The following UBASH3B variants were observed in gnomAD, a reference collection of about 807,000 sequenced individuals.
UBASH3B encodes ubiquitin associated and SH3 domain containing B.
A neutral mutation model predicts 83.4 loss-of-function variants in UBASH3B; 37 were observed. The ratio of observed to expected loss-of-function variants is 0.44; its 90% CI spans 0.34 to 0.58. The LOEUF is 0.58. Among genes scored for constraint, UBASH3B ranks in the 20% least tolerant of loss-of-function variants. The probability of loss-of-function intolerance (pLI) is 0.01; values close to 1 mark genes in which losing one functional copy is unlikely to be tolerated. For synonymous variants in UBASH3B, 304 were observed against 318.3 expected, an observed-to-expected ratio of 0.96 and a Z score of 0.48; for missense variants, 657 against 827.2, an observed-to-expected ratio of 0.79 and a Z score of 2.52.
In UBASH3B at chr11:122,814,319, C is replaced by G. The variant is rs776080163; in HGVS notation, c.*4433C>G. ...CCACACCTACCTGTATTGCCAAATT[C>G]TTTGTAAACTCTCCGTGGCACTTGT... On this transcript the variant is annotated 3_prime_UTR_variant, in exon 14 of 14. Transcript: ENST00000284273. The G allele has an allele frequency of 3.9e-5, 6 of 152,494 alleles. No individual in the cohort carries two copies. The highest frequency in any genetic ancestry group is 2.0e-4 in the Admixed American group (3 of 15,252). 9.4% of individuals were successfully genotyped at this position (152,494 alleles called of 1,614,324 possible). A position where few individuals can be genotyped will look rare whatever the true frequency, so the allele number is the denominator to read the frequency against.
At chr11:122,666,492 C>T (rs1863521512) in intron 1 of UBASH3B, among the ~76,000 whole-genome samples, 1 of 152,080 alleles carries the variant, frequency 6.6e-6, no homozygotes, top group South Asian at 2.1e-4. Context: ...GATCTCGGCT[C>T]ACTGCAACCT....
At chr11:122,737,696 A>C (rs564363464) in intron 1 of UBASH3B, among the ~76,000 whole-genome samples, 4 of 152,100 alleles carry the variant, frequency 2.6e-5, no homozygotes, top group Non-Finnish European at 4.4e-5. Flanking sequence ...AGAGAAGCAA[A>C]ATTGGCGGGG....
rs147540836 is a variant in UBASH3B, at chr11:122,663,501, C to T, written c.161+7291C>T. Among the ~76,000 whole-genome samples, 281 of 152,340 alleles carry T rather than the reference C, an allele frequency of 1.8e-3. 1 individual carries two copies. The highest frequency in any genetic ancestry group is 6.3e-3 in the African/African-American group (262 of 41,588). On this transcript the variant is annotated intron_variant, in intron 1 of 13. Coordinates refer to ENST00000284273, the MANE Select transcript of UBASH3B (RefSeq NM_032873.5). ...TCCCCACCCTCAGCTGCCTCAAAGT[C>T]CAGCTCCCTTTCAGGGAGTGGACAG... is the stretch of plus-strand genomic sequence containing the variant.
At chr11:122,751,945 A>G (rs1246708759) in intron 1 of UBASH3B, among the ~76,000 whole-genome samples, 1 of 152,194 alleles carries the variant, frequency 6.6e-6, no homozygotes, top group Non-Finnish European at 1.5e-5. Context: ...AGCCACAAGT[A>G]ACTAAAACTC....
intron 1 of UBASH3B, among the ~76,000 whole-genome samples, chr11:122,712,643 C>G (rs1864211456): frequency 6.6e-6 from 1 of 152,144 alleles, no homozygotes; most frequent in Non-Finnish European, 1.5e-5. Context: ...ACAGCCCTGA[C>G]TAGCTGGGAG....
chr11:122,805,131 G>T (rs1484740223), intron 11 of UBASH3B, among the ~76,000 whole-genome samples: 1 of 152,218 alleles, frequency 6.6e-6, no homozygotes, highest in African/African-American at 2.4e-5. Context: ...CATGTGACTG[G>T]GGAAGCCTCA....
chr11:122,774,064 A>C, intron 1 of UBASH3B: 1 of 985,244 alleles, frequency 1.0e-6, no homozygotes, highest in Non-Finnish European at 1.2e-6. Context: ...TACTGAAAAA[A>C]AAAAAGCGAG....
intron 1 of UBASH3B, among the ~76,000 whole-genome samples, chr11:122,688,639 TATTTTA>T: frequency 7.1e-6 from 1 of 140,758 alleles, no homozygotes; most frequent in African/African-American, 2.7e-5. Flanking sequence ...TATTTTATTT[TATTTTA>T]TTTTATTTTA....
At chr11:122,803,100 A>T (rs1355546591) in intron 11 of UBASH3B, among the ~76,000 whole-genome samples, 1 of 152,222 alleles carries the variant, frequency 6.6e-6, no homozygotes, top group Non-Finnish European at 1.5e-5. Flanking sequence ...GGATCAGGAC[A>T]CAGTCCTTAT....
chr11:122,777,307 G>A, intron 3 of UBASH3B, 97 bp downstream of exon 3: 2 of 1,330,094 alleles, frequency 1.5e-6, no homozygotes, highest in Non-Finnish European at 2.0e-6. Flanking sequence ...CAGGAAGACA[G>A]CAGGAATAGT....
intron 6 of UBASH3B, among the ~76,000 whole-genome samples, chr11:122,790,703 T>A (rs570291134): frequency 3.2e-4 from 48 of 152,136 alleles, no homozygotes; most frequent in Non-Finnish European, 2.2e-4. Flanking sequence ...TCCCAGCACT[T>A]TGGGAGGCCA....
At chr11:122,768,536 C>A (rs1246389968) in intron 1 of UBASH3B, among the ~76,000 whole-genome samples, 1 of 149,860 alleles carries the variant, frequency 6.7e-6, no homozygotes, top group African/African-American at 2.5e-5. Flanking sequence ...GACTGAGCCT[C>A]ACTCTATCGC....
intron 1 of UBASH3B, among the ~76,000 whole-genome samples, chr11:122,773,342 C>A (rs1797878680): frequency 6.6e-6 from 1 of 152,202 alleles, no homozygotes; most frequent in African/African-American, 2.4e-5. Flanking sequence ...CAAATCGATG[C>A]CAGCCTGGCA....
At chr11:122,723,316 G>T (rs1860674975) in intron 1 of UBASH3B, among the ~76,000 whole-genome samples, 1 of 152,150 alleles carries the variant, frequency 6.6e-6, no homozygotes, top group Admixed American at 6.5e-5. Flanking sequence ...TTGCAGATGT[G>T]ACTCAAATAT....
chr11:122,740,948 G>A (rs570740139), intron 1 of UBASH3B, among the ~76,000 whole-genome samples: 147 of 152,322 alleles, frequency 9.7e-4, no homozygotes, highest in Admixed American at 2.8e-3. Context: ...AATGGGGACT[G>A]AGGTTAGTAA....
intron 1 of UBASH3B, among the ~76,000 whole-genome samples, chr11:122,738,092 A>G (rs890168873): frequency 6.6e-6 from 1 of 152,218 alleles, no homozygotes; most frequent in African/African-American, 2.4e-5. Flanking sequence ...TCCTAATGGG[A>G]AATGCCGTTG....
chr11:122,763,043 G>A (rs1189084190), intron 1 of UBASH3B, among the ~76,000 whole-genome samples: 1 of 152,148 alleles, frequency 6.6e-6, no homozygotes, highest in Non-Finnish European at 1.5e-5. Context: ...TAAGAGATTG[G>A]GAAAGTGAGT....
intron 1 of UBASH3B, among the ~76,000 whole-genome samples, chr11:122,723,531 C>G (rs150171285): frequency 6.6e-6 from 1 of 152,284 alleles, no homozygotes; most frequent in East Asian, 1.9e-4. Context: ...TTCTTCCCTG[C>G]GAGCAGCAAT....
chr11:122,658,973 C>T (rs1484443312), intron 1 of UBASH3B, among the ~76,000 whole-genome samples: 1 of 152,210 alleles, frequency 6.6e-6, no homozygotes, highest in African/African-American at 2.4e-5. Flanking sequence ...CTAGGGGAAT[C>T]CACTCCCTGC....
Sources: gnomAD v4.1 joint callset for allele counts (sites outside exome capture counted in the v4.1 genomes callset) on GRCh38, gnomAD v4.1.1 for gene constraint, MANE v1.5 for transcripts, NCBI Gene and HGNC (gene_info 2026-07-23, HGNC 2026-07-21) for gene names.